Variants in PCDHGA10 observed in about 807,000 individuals in gnomAD.
The protein encoded by PCDHGA10 is protocadherin gamma-A10.
Under a neutral mutation model 59.5 loss-of-function variants are expected in PCDHGA10, and 42 were observed. The ratio of observed to expected loss-of-function variants is 0.71; its 90% confidence interval spans 0.55 to 0.91. PCDHGA10 has a LOEUF of 0.91. Ranked by LOEUF, PCDHGA10 falls within the 40% of genes least tolerant of loss-of-function variation. PCDHGA10 has a pLI of 0.00. For synonymous variants in PCDHGA10, 511 were observed against 517.2 expected, an observed-to-expected ratio of 0.99 and a Z score of 0.16; for missense variants, 1,111 against 1,198.2, an observed-to-expected ratio of 0.93 and a Z score of 1.07.
chr5:141,438,658 G>GTA (rs2098048375), intron 1 of PCDHGA10, among the ~76,000 whole-genome samples: 7 of 77,996 alleles, frequency 9.0e-5, no homozygotes, highest in African/African-American at 1.9e-4. Flanking sequence ...ACACATATAT[G>GTA]TATATATATA....
rs753538822 is a variant in PCDHGA10, at chr5:141,476,676, G to C, written c.2437-18131G>C. 6 of 1,614,222 alleles carry C rather than the reference G, an allele frequency of 3.7e-6. No individual in the cohort carries two copies. Among genetic ancestry groups the C allele is most frequent in the Non-Finnish European group, 4.2e-6 (5 of 1,180,054 alleles). ...TACTTTGCGCTTCGCGTGCAGACGCGGGAGGACAGCACCAAGTACGCGGAG... is the reference window on the plus strand; with the variant it reads ...TACTTTGCGCTTCGCGTGCAGACGCCGGAGGACAGCACCAAGTACGCGGAG... On this transcript the variant is annotated intron_variant, in intron 1 of 3. Transcript: ENST00000398610. The surrounding 1 kb of genome is among the most constrained non-coding windows in gnomAD (Gnocchi z 7.6).
chr5:141,422,910 C>T (rs756589496), intron 1 of PCDHGA10: 2 of 1,614,252 alleles, frequency 1.2e-6, no homozygotes, highest in South Asian at 1.1e-5. Context: ...ACAATGCGCC[C>T]GAGATCCTGT....
rs566049956 is a variant in PCDHGA10 at position 141,511,685 on chromosome 5, G to A, written c.*512G>A. 1.0e-5 allele frequency: 2 copies of A among 198,374 alleles called. No individual in the cohort carries two copies. Among genetic ancestry groups the A allele is most frequent in the Non-Finnish European group, 2.1e-5 (2 of 94,428 alleles). The allele number at this position is 198,374 out of a possible 1,614,324, so 12.3% of individuals were successfully genotyped here. On this transcript the variant is annotated 3_prime_UTR_variant, in exon 4 of 4. Coordinates refer to ENST00000398610, the MANE Select transcript of PCDHGA10 (RefSeq NM_018913.3). ...GATTCTCAATCTTCCCCCAAAGCAT[G>A]GTTTGGTGCCAGCCCCTTCACCTCC...
At chr5:141,469,372 C>G (rs780872014) in intron 1 of PCDHGA10, among the ~76,000 whole-genome samples, 5 of 151,990 alleles carry the variant, frequency 3.3e-5, no homozygotes, top group Non-Finnish European at 5.9e-5. Flanking sequence ...GTAAAGAGAT[C>G]GAGACCATCC....
At chr5:141,435,215 C>G (rs4912753) in intron 1 of PCDHGA10, among the ~76,000 whole-genome samples, 81,908 of 151,924 alleles carry the variant, frequency 0.54, 24,122 homozygotes, top group African/African-American at 0.79. Flanking sequence ...AGTGAATTTA[C>G]TTTCTTTCAA....
chr5:141,494,996 C>A (rs2099758091), intron 2 of PCDHGA10, 131 bp downstream of exon 2: 2 of 1,539,742 alleles, frequency 1.3e-6, no homozygotes, highest in African/African-American at 1.4e-5. Context: ...CCAGGGAGGT[C>A]TTGGTGTGCG....
chr5:141,489,597 A>T lies in PCDHGA10; in HGVS notation c.2437-5210A>T. The T allele has an allele frequency of 6.2e-7, 1 of 1,614,100 alleles. No individual in the cohort carries two copies. Among genetic ancestry groups the T allele is most frequent in the African/African-American group, 1.3e-5 (1 of 75,040 alleles). ...AACACCCCCTGGAGCTAATCCGTGT[A>T]GAGGTAGAGATCCTGGATCTCAATG... On this transcript the variant is annotated intron_variant, in intron 1 of 3. Transcript: ENST00000398610. The surrounding 1 kb of genome is among the most constrained non-coding windows in gnomAD (Gnocchi z 4.5).
chr5:141,482,510 T>A (rs2099563292), intron 1 of PCDHGA10, among the ~76,000 whole-genome samples: 3 of 121,012 alleles, frequency 2.5e-5, no homozygotes, highest in African/African-American at 3.5e-5. Context: ...GTACCCAGAG[T>A]ACAGTATGAG....
intron 1 of PCDHGA10, chr5:141,423,623 C>T (rs1391650851): frequency 6.2e-7 from 1 of 1,607,330 alleles, no homozygotes; most frequent in South Asian, 1.1e-5. Context: ...GAAGACTCAG[C>T]TATCATTTTA....
intron 1 of PCDHGA10, chr5:141,421,506 G>T: frequency 6.2e-7 from 1 of 1,614,076 alleles, no homozygotes; most frequent in Non-Finnish European, 8.5e-7. Context: ...GGATAGACCG[G>T]GAGGAGCTCT....
At position 141,494,730 on chromosome 5, in the gene PCDHGA10, G is replaced by A. The variant is rs1595262506; in HGVS notation, c.2437-77G>A. 18 of 1,609,816 alleles carry A rather than the reference G, an allele frequency of 1.1e-5. No individual in the cohort carries two copies. In the East Asian group the frequency reaches 4.0e-4, roughly 36 times the overall value. On this transcript the variant is annotated intron_variant, in intron 1 of 3. Coordinates refer to ENST00000398610, the MANE Select transcript of PCDHGA10 (RefSeq NM_018913.3). ...GTGCCCACTCCCCTCCTTCTCTCCC[G>A]GCCCATCCCTAGGGGCTCGGGTGAC...
At chr5:141,480,698 C>T (rs1394538159) in intron 1 of PCDHGA10, among the ~76,000 whole-genome samples, 1 of 152,198 alleles carries the variant, frequency 6.6e-6, no homozygotes, top group Admixed American at 6.5e-5. Context: ...ACCCAGGCCA[C>T]ACCCCGACAA....
At chr5:141,458,219 C>T (rs2098940224) in intron 1 of PCDHGA10, among the ~76,000 whole-genome samples, 1 of 152,248 alleles carries the variant, frequency 6.6e-6, no homozygotes, top group African/African-American at 2.4e-5. Flanking sequence ...AATAAGTTTC[C>T]TTTCCCAGTC....
chr5:141,419,851 C>T, intron 1 of PCDHGA10: 1 of 1,614,062 alleles, frequency 6.2e-7, no homozygotes, highest in Non-Finnish European at 8.5e-7. Context: ...ACCTGGTGTT[C>T]GCAGATAGCT....
chr5:141,485,174 A>G lies in PCDHGA10; in HGVS notation c.2437-9633A>G. 6.2e-7 allele frequency: 1 copy of G among 1,611,406 alleles called. No individual in the cohort carries two copies. The highest frequency in any genetic ancestry group is 8.5e-7 in the Non-Finnish European group (1 of 1,177,898). ...AGTAGAGAATTAGCGGGCGGCAGCA[A>G]TGCTCCGCAAGGTGAGAAGCTGGAC... On this transcript the variant is annotated intron_variant, in intron 1 of 3. Coordinates refer to ENST00000398610, the MANE Select transcript of PCDHGA10 (RefSeq NM_018913.3). The surrounding 1 kb of genome is among the most constrained non-coding windows in gnomAD (Gnocchi z 5.7).
At position 141,486,765 on chromosome 5, in the gene PCDHGA10, T is replaced by C; in HGVS notation, c.2437-8042T>C. On this transcript the variant is annotated intron_variant, in intron 1 of 3. Transcript: ENST00000398610. This position sits in a 1 kb window ranked among gnomAD's most constrained non-coding sequence, Gnocchi z 5.0. ...TTTGACTATGAGCAAACCCAGACACTGCAGTTTGAGGTGCAGGCCCGGGAT... is the reference window on the plus strand; with the variant it reads ...TTTGACTATGAGCAAACCCAGACACCGCAGTTTGAGGTGCAGGCCCGGGAT... 4 of 1,614,230 alleles carry C rather than the reference T, an allele frequency of 2.5e-6. No individual in the cohort carries two copies. Among genetic ancestry groups the C allele is most frequent in the Non-Finnish European group, 3.4e-6 (4 of 1,180,038 alleles).
intron 1 of PCDHGA10, among the ~76,000 whole-genome samples, chr5:141,474,773 G>T (rs1290099424): frequency 6.6e-6 from 1 of 152,182 alleles, no homozygotes; most frequent in East Asian, 1.9e-4. Flanking sequence ...ATAGTATGAG[G>T]CTCTAACACT....
rs145025535 is a variant in PCDHGA10 at position 141,457,569 on chromosome 5, T to A, written c.2437-37238T>A. 2.5e-3 allele frequency among the ~76,000 whole-genome samples: 376 copies of A among 152,304 alleles called. 1 individual carries two copies. Among genetic ancestry groups the A allele is most frequent in the African/African-American group, 8.6e-3 (357 of 41,554 alleles). On this transcript the variant is annotated intron_variant, in intron 1 of 3. Transcript: ENST00000398610. Reference sequence around the variant, plus strand: ...TGTATGATAAGCTTTGGAGCAAAATTTTTCTCTCCAGTCCTCATTTTTGGT... The same window carrying A: ...TGTATGATAAGCTTTGGAGCAAAATATTTCTCTCCAGTCCTCATTTTTGGT...
At chr5:141,450,006 C>CTATTTTTTTTT (rs70988802) in intron 1 of PCDHGA10, among the ~76,000 whole-genome samples, 2 of 132,964 alleles carry the variant, frequency 1.5e-5, no homozygotes, top group African/African-American at 2.8e-5. Flanking sequence ...TGCCATGTCT[C>CTATTTTTTTTT]TTTTTTTTTT....
Sources: allele counts gnomAD v4.1 joint callset (sites outside exome capture counted in the v4.1 genomes callset), GRCh38; gene constraint gnomAD v4.1.1; non-coding constraint Gnocchi (gnomAD v3.1); transcripts MANE v1.5; gene names NCBI Gene and HGNC (gene_info 2026-07-23, HGNC 2026-07-21).